GRM8: variants seen among roughly 807,000 people sequenced by gnomAD.
The protein encoded by GRM8 is glutamate metabotropic receptor 8, also known as metabotropic glutamate receptor 8.
GRM8 carries 47 observed loss-of-function variants against 87.2 expected under a neutral mutation model. That is an observed-to-expected ratio of 0.54 (90% CI 0.43 to 0.69). The LOEUF is 0.69. Among genes scored for constraint, GRM8 ranks in the 30% least tolerant of loss-of-function variants. GRM8 has a pLI of 0.00. For synonymous variants in GRM8, 396 were observed against 404.5 expected (o/e 0.98, Z 0.25); for missense variants, 1,019 against 1,139.2 (o/e 0.89, Z 1.52).
chr7:126,531,045 T>C (rs1196889173), intron 9 of GRM8, among the ~76,000 whole-genome samples: 1 of 152,174 alleles, frequency 6.6e-6, no homozygotes, highest in Non-Finnish European at 1.5e-5. Flanking sequence ...TTATGTATTG[T>C]CTTGAATAAT....
At chr7:126,655,426 T>C (rs1346958391) in intron 7 of GRM8, among the ~76,000 whole-genome samples, 1 of 152,182 alleles carries the variant, frequency 6.6e-6, no homozygotes, top group South Asian at 2.1e-4. Flanking sequence ...ATCATCCCCA[T>C]GTGTTGAGGG....
At chr7:127,069,325 G>A (rs1325847300) in intron 3 of GRM8, among the ~76,000 whole-genome samples, 1 of 152,114 alleles carries the variant, frequency 6.6e-6, no homozygotes, top group Non-Finnish European at 1.5e-5. Flanking sequence ...AACATGCCCA[G>A]CTAATTTTTT....
At chr7:126,638,793 TG>T in intron 7 of GRM8, among the ~76,000 whole-genome samples, 1 of 152,336 alleles carries the variant, frequency 6.6e-6, no homozygotes, top group South Asian at 2.1e-4. Context: ...CTAGACACCC[TG>T]GAGCCACTCA....
chr7:126,514,163 G>T (rs2150758172), intron 9 of GRM8, among the ~76,000 whole-genome samples: 1 of 152,218 alleles, frequency 6.6e-6, no homozygotes, highest in Non-Finnish European at 1.5e-5. Context: ...GACTTAAATA[G>T]CCCCAGCAAG....
intron 7 of GRM8, among the ~76,000 whole-genome samples, chr7:126,640,259 G>A (rs1186716100): frequency 6.6e-6 from 1 of 152,190 alleles, no homozygotes; most frequent in Non-Finnish European, 1.5e-5. Flanking sequence ...TTCATGAGGT[G>A]TTAAGAAGGA....
chr7:126,946,859 T>C (rs1807591978), intron 3 of GRM8, among the ~76,000 whole-genome samples: 2 of 152,206 alleles, frequency 1.3e-5, no homozygotes, highest in African/African-American at 4.8e-5. Flanking sequence ...GGAAAACAGG[T>C]CCATCCATTT....
At chr7:126,479,113 A>C (rs1806354870) in intron 9 of GRM8, among the ~76,000 whole-genome samples, 1 of 152,086 alleles carries the variant, frequency 6.6e-6, no homozygotes, top group African/African-American at 2.4e-5. Flanking sequence ...AAAAATCTAC[A>C]CTAGTAAATA....
chr7:127,111,281 T>C (rs1336838769), intron 2 of GRM8: 1 of 152,232 alleles, frequency 6.6e-6, no homozygotes, highest in Non-Finnish European at 1.5e-5. Context: ...ATTCCAAAAA[T>C]TTAACTTAGA....
chr7:126,595,185 T>C (rs1797043040), intron 8 of GRM8, among the ~76,000 whole-genome samples: 1 of 151,926 alleles, frequency 6.6e-6, no homozygotes, highest in Non-Finnish European at 1.5e-5. Flanking sequence ...GGTTCAGAGG[T>C]ACATGTGAAG....
Position 126,469,223 on chromosome 7 carries a change from TC to T in GRM8, c.2431-22852del, listed in dbSNP as rs199571192. Among the ~76,000 whole-genome samples, 461 of 152,202 alleles carry T rather than the reference TC, an allele frequency of 3.0e-3. 8 individuals are homozygous for T. Among genetic ancestry groups the T allele is most frequent in the Admixed American group, 0.023 (347 of 15,272 alleles). ...TATCTTATGAAAAGTCTTCTGAGATTCTCTAACAAATATTTTAAAAATCAAC... is the reference window on the plus strand; with the variant it reads ...TATCTTATGAAAAGTCTTCTGAGATTTCTAACAAATATTTTAAAAATCAAC... On this transcript the variant is annotated intron_variant, in intron 9 of 10. Transcript: ENST00000339582.
intron 7 of GRM8, among the ~76,000 whole-genome samples, chr7:126,612,055 T>G (rs1798965625): frequency 6.6e-6 from 1 of 152,192 alleles, no homozygotes; most frequent in Non-Finnish European, 1.5e-5. Flanking sequence ...ATGCATTTCT[T>G]AATTTCCCTA....
At chr7:126,947,414 GA>G (rs1807659436) in intron 3 of GRM8, among the ~76,000 whole-genome samples, 1 of 152,142 alleles carries the variant, frequency 6.6e-6, no homozygotes, top group East Asian at 1.9e-4. Flanking sequence ...TGGTGCAGCA[GA>G]AGGGTACAAA....
intron 8 of GRM8, among the ~76,000 whole-genome samples, chr7:126,567,682 A>G (rs926577532): frequency 6.6e-6 from 1 of 152,174 alleles, no homozygotes; most frequent in African/African-American, 2.4e-5. Flanking sequence ...AATAAAATAA[A>G]AAGATATTTC....
rs553795874 is a variant in GRM8, at chr7:126,902,557, T to A, written c.1141A>T (p.Ile381Leu). 1.9e-6 allele frequency: 3 copies of A among 1,602,900 alleles called. No homozygotes were observed. Among genetic ancestry groups the A allele is most frequent in the Non-Finnish European group, 2.6e-6 (3 of 1,175,766 alleles). ...LGSHGKRNSH[I>L]KKCTGLERIA... is the part of the protein sequence containing the mutation. ...GAGTGGTTACCTGTGCATTTCTTTA[T>A]ATGACTGTTCCTTTTCCCATGTGAT... Residue 381 changes from isoleucine (I) to leucine (L), a missense_variant, in exon 6 of 11, where the codon ATA becomes TTA. Physicochemically the swap from Ile to Leu is conservative, Grantham distance 5 (BLOSUM62 2). Coordinates refer to ENST00000339582, the MANE Select transcript of GRM8 (RefSeq NM_000845.3).
chr7:126,625,564 G>A (rs189879836), intron 7 of GRM8, among the ~76,000 whole-genome samples: 1 of 152,150 alleles, frequency 6.6e-6, no homozygotes, highest in African/African-American at 2.4e-5. Flanking sequence ...ATGATCCTTG[G>A]ATAAAATGTG....
chr7:126,899,514 A>G (rs1185195961), intron 6 of GRM8, among the ~76,000 whole-genome samples: 5 of 152,144 alleles, frequency 3.3e-5, no homozygotes, highest in Admixed American at 1.3e-4. Context: ...GGATTTTACA[A>G]TGTAAACTTA....
At chr7:126,552,732 T>A (rs1792719736) in intron 8 of GRM8, among the ~76,000 whole-genome samples, 1 of 152,182 alleles carries the variant, frequency 6.6e-6, no homozygotes, top group South Asian at 2.1e-4. Flanking sequence ...TGGTCTGGTT[T>A]ATCTTTAAAT....
At chr7:126,752,670 T>C (rs1816559272) in intron 7 of GRM8, among the ~76,000 whole-genome samples, 1 of 152,090 alleles carries the variant, frequency 6.6e-6, no homozygotes, top group African/African-American at 2.4e-5. Context: ...ATAATATACT[T>C]TTTAGCACAA....
intron 2 of GRM8, among the ~76,000 whole-genome samples, chr7:127,155,589 T>C (rs957879204): frequency 2.6e-5 from 4 of 152,116 alleles, no homozygotes; most frequent in Non-Finnish European, 1.5e-5. Flanking sequence ...TATGTGGCAA[T>C]TGGAACCATA....
Sources: allele counts gnomAD v4.1 joint callset (sites outside exome capture counted in the v4.1 genomes callset), GRCh38; gene constraint gnomAD v4.1.1; transcripts MANE v1.5; gene names NCBI Gene and HGNC (gene_info 2026-07-23, HGNC 2026-07-21).